Variants in CYFIP2 observed in about 807,000 individuals in gnomAD.
CYFIP2 encodes cytoplasmic FMR1 interacting protein 2.
In CYFIP2, 29 loss-of-function variants were observed where a neutral mutation model predicts 158.7. The ratio of observed to expected loss-of-function variants is 0.18; its 90% CI spans 0.14 to 0.25. The LOEUF (loss-of-function observed/expected upper bound fraction) is 0.25. Ranked by LOEUF, CYFIP2 falls within the 10% of genes least tolerant of loss-of-function variation. The pLI, the probability that CYFIP2 is intolerant of heterozygous loss-of-function variation, is 1.00. For synonymous variants in CYFIP2, 585 were observed against 617.6 expected, an observed-to-expected ratio of 0.95 and a Z score of 0.78; for missense variants, 852 against 1,639.5, an observed-to-expected ratio of 0.52 and a Z score of 8.29.
chr5:157,312,356 C>A (rs772118061), intron 11 of CYFIP2, among the ~76,000 whole-genome samples: 2 of 150,356 alleles, frequency 1.3e-5, no homozygotes, highest in Non-Finnish European at 2.9e-5. Context: ...ACATGATCAG[C>A]GCACAAACCT....
At chr5:157,297,231 G>A (rs1306800217) in intron 5 of CYFIP2, among the ~76,000 whole-genome samples, 1 of 152,178 alleles carries the variant, frequency 6.6e-6, no homozygotes, top group African/African-American at 2.4e-5. Context: ...GGCTGAGGCC[G>A]GAAGGAGCTT....
intron 4 of CYFIP2, 26 bp from the exon 5 acceptor site, chr5:157,296,647 G>T: frequency 6.3e-7 from 1 of 1,597,992 alleles, no homozygotes; most frequent in Non-Finnish European, 8.6e-7. Flanking sequence ...AAACCAGGAT[G>T]TGTGTGTCCC....
intron 23 of CYFIP2, among the ~76,000 whole-genome samples, chr5:157,345,043 G>A (rs1209123964): frequency 3.3e-5 from 5 of 152,234 alleles, no homozygotes; most frequent in African/African-American, 4.8e-5. Context: ...AATAGGGAAC[G>A]AAAGGGATGA....
At chr5:157,279,505 G>T (rs1028356427) in intron 1 of CYFIP2, among the ~76,000 whole-genome samples, 1 of 152,188 alleles carries the variant, frequency 6.6e-6, no homozygotes, top group South Asian at 2.1e-4. Context: ...GCATTTATGG[G>T]ACCCACCCCC....
chr5:157,355,133 T>C (rs186833668), intron 23 of CYFIP2, among the ~76,000 whole-genome samples: 8 of 151,146 alleles, frequency 5.3e-5, no homozygotes, highest in Non-Finnish European at 1.2e-4. Context: ...CCCATTTTTA[T>C]GATGTTCTTA....
intron 1 of CYFIP2, among the ~76,000 whole-genome samples, chr5:157,274,484 A>G (rs1171353657): frequency 6.6e-6 from 1 of 152,194 alleles, no homozygotes; most frequent in African/African-American, 2.4e-5. Context: ...CAGTTGATGC[A>G]TATGTTAGTT....
chr5:157,325,914 C>CT, intron 17 of CYFIP2: 1 of 540,780 alleles, frequency 1.8e-6, no homozygotes, highest in Non-Finnish European at 3.3e-6. Context: ...AGCTTGTATT[C>CT]TTAACTGCTA....
At chr5:157,347,118 A>G (rs1561752092) in intron 23 of CYFIP2, among the ~76,000 whole-genome samples, 1 of 152,152 alleles carries the variant, frequency 6.6e-6, no homozygotes, top group Admixed American at 6.5e-5. Context: ...TGGCCAAAGT[A>G]TCCAAGTTAA....
rs1489817422 is a variant in CYFIP2, at chr5:157,390,773, C to CA, written c.3594+106dup. Reference sequence around the variant, plus strand: ...GAGCTGCTTGTGAAGGCCAGCTCCCCACACGGCAAGTACAAAGATACTATA... The same window carrying CA: ...GAGCTGCTTGTGAAGGCCAGCTCCCCAACACGGCAAGTACAAAGATACTATA... On this transcript the variant is annotated intron_variant, in intron 30 of 30. Coordinates refer to ENST00000620254, the MANE Select transcript of CYFIP2 (RefSeq NM_001037333.3). 7 of 1,514,508 alleles carry CA rather than the reference C, an allele frequency of 4.6e-6. No individual in the cohort carries two copies. The East Asian group carries it at 1.5e-4, about 32-fold the overall frequency. The allele number at this position is 1,514,508 out of a possible 1,614,324, so 93.8% of individuals were successfully genotyped here.
rs561970732 is a variant in CYFIP2, at chr5:157,395,494, G to A, written c.*2494G>A. 3.8e-6 allele frequency: 2 copies of A among 529,734 alleles called. No homozygotes were observed. The highest frequency in any genetic ancestry group is 3.2e-5 in the South Asian group (2 of 62,208). 32.8% of individuals were successfully genotyped at this position (529,734 alleles called of 1,614,324 possible). A position where few individuals can be genotyped will look rare whatever the true frequency, so the allele number is the denominator to read the frequency against. ...TAAATTCTTAAATCATATTTGCTAT[G>A]CAGCTGAAGATGATATTTTGATTTG... On this transcript the variant is annotated 3_prime_UTR_variant, in exon 31 of 31. Coordinates refer to ENST00000620254, the MANE Select transcript of CYFIP2 (RefSeq NM_001037333.3).
rs57893061 is a variant in CYFIP2, at chr5:157,280,363, A to ATT, written c.-23-4961_-23-4960dup. 8.1e-3 allele frequency among the ~76,000 whole-genome samples: 1,081 copies of ATT among 133,226 alleles called. 21 individuals are homozygous for ATT. Among genetic ancestry groups the ATT allele is most frequent in the African/African-American group, 0.029 (1,016 of 35,082 alleles). 87.4% of individuals were successfully genotyped at this position (133,226 alleles called of 152,430 possible). On this transcript the variant is annotated intron_variant, in intron 1 of 30. Transcript: ENST00000620254. ...AGGCACCCACCACCACGCCTGGCTA[A>ATT]TTTTTTTTTTTTTTTTGTATTTTTA...
intron 8 of CYFIP2, among the ~76,000 whole-genome samples, chr5:157,307,141 A>AT (rs1382982065): frequency 7.9e-5 from 12 of 152,062 alleles, no homozygotes; most frequent in Admixed American, 2.6e-4. Flanking sequence ...TCAGGAAGAG[A>AT]TTTTTTTTAA....
intron 23 of CYFIP2, among the ~76,000 whole-genome samples, chr5:157,357,612 TG>T (rs1423217464): frequency 6.6e-6 from 1 of 152,138 alleles, no homozygotes; most frequent in Non-Finnish European, 1.5e-5. Flanking sequence ...GAAGATCACT[TG>T]AGGTCAGGAG....
At chr5:157,376,622 A>G (rs1765504299) in intron 26 of CYFIP2, 3 of 176,424 alleles carry the variant, frequency 1.7e-5, no homozygotes, top group African/African-American at 7.2e-5. Context: ...AGACATGGAA[A>G]TGTTCAGAAT....
At position 157,311,459 on chromosome 5, in the gene CYFIP2, AGAG is replaced by A; in HGVS notation, c.993-196_993-194del. ...GGATCCTAGATGAGGCTGGCACCAAAGAGGAGGAGGAAGGACTGTTCCATTAGG... is the reference window on the plus strand; with the variant it reads ...GGATCCTAGATGAGGCTGGCACCAAAGAGGAGGAAGGACTGTTCCATTAGG... On this transcript the variant is annotated intron_variant, in intron 10 of 30. Transcript: ENST00000620254. This position sits in a 1 kb window ranked among gnomAD's most constrained non-coding sequence, Gnocchi z 4.7. 1 of 582,482 alleles carries A rather than the reference AGAG, an allele frequency of 1.7e-6. No individual in the cohort carries two copies. The allele number at this position is 582,482 out of a possible 1,614,324, so 36.1% of individuals were successfully genotyped here.
chr5:157,364,915 T>C (rs1437110095), intron 26 of CYFIP2: 1 of 152,166 alleles, frequency 6.6e-6, no homozygotes, highest in African/African-American at 2.4e-5. Flanking sequence ...TGGAAAACTC[T>C]GAAGCAGGTA....
At position 157,393,512 on chromosome 5, in the gene CYFIP2, ATCT is replaced by A. The variant is rs1313821662; in HGVS notation, c.*516_*518del. 6.6e-6 allele frequency: 1 copy of A among 151,086 alleles called. No individual in the cohort carries two copies. Among genetic ancestry groups the A allele is most frequent in the Non-Finnish European group, 1.5e-5 (1 of 68,456 alleles). The allele number at this position is 151,086 out of a possible 1,614,324, so 9.4% of individuals were successfully genotyped here. A position where few individuals can be genotyped will look rare whatever the true frequency, so the allele number is the denominator to read the frequency against. On this transcript the variant is annotated 3_prime_UTR_variant, in exon 31 of 31. Transcript: ENST00000620254. ...CCCTCCCTGCAGTGCCCCGGGTGTC[ATCT>A]TCTCCCACTCTGGGTACCAGGGATT...
chr5:157,333,866 G>C (rs1330505961), intron 21 of CYFIP2, among the ~76,000 whole-genome samples: 1 of 152,176 alleles, frequency 6.6e-6, no homozygotes, highest in Non-Finnish European at 1.5e-5. Flanking sequence ...TCTTAAACAA[G>C]GGGGCCCCAC....
Position 157,285,374 on chromosome 5 carries a change from G to A in CYFIP2, c.13G>A (p.Val5Ile), listed in dbSNP as rs1421838253. 5 of 1,570,478 alleles carry A rather than the reference G, an allele frequency of 3.2e-6. No homozygotes were observed. Among genetic ancestry groups the A allele is most frequent in the African/African-American group, 1.4e-5 (1 of 73,956 alleles). ...AGAAACTGCAGCCATGACCACGCAC[G>A]TCACCCTGGAAGATGCCCTGTCCAA... MTTH[V>I]TLEDALSNVD... The change falls in exon 2 of 31, where the codon GTC (valine) becomes ATC (isoleucine). Residue 5 changes from valine (V) to isoleucine (I), a missense_variant. Around this residue, in one of 8 missense-constraint regions of CYFIP2, gnomAD observed 123 missense variants for 316.7 expected, o/e 0.39. Transcript: ENST00000620254.
Sources: allele counts gnomAD v4.1 joint callset (sites outside exome capture counted in the v4.1 genomes callset), GRCh38; gene constraint gnomAD v4.1.1; regional missense constraint gnomAD v4.1.1; non-coding constraint Gnocchi (gnomAD v3.1); transcripts MANE v1.5; gene names NCBI Gene and HGNC (gene_info 2026-07-23, HGNC 2026-07-21).